The following NEB variants were observed in gnomAD, a reference collection of about 807,000 sequenced individuals.
NEB encodes the protein nemaline myopathy type 2.
NEB carries 512 observed loss-of-function variants against 952.2 expected under a neutral mutation model. The observed-to-expected ratio is 0.54, with a 90% CI of 0.50 to 0.58. The LOEUF (loss-of-function observed/expected upper bound fraction) is 0.58. NEB is among the 20% of genes least tolerant of loss of function. The probability of loss-of-function intolerance (pLI) is 0.00; values close to 1 mark genes in which losing one functional copy is unlikely to be tolerated. For missense variants in NEB, 8,428 were observed against 9,231.1 expected, an observed-to-expected ratio of 0.91 and a Z score of 3.56; for synonymous variants, 2,900 against 3,149.8, an observed-to-expected ratio of 0.92 and a Z score of 2.66.
At chr2:151,514,703 C>T (rs1206046508) in intron 158 of NEB, 115 bp downstream of exon 158, 3 of 772,436 alleles carry the variant, frequency 3.9e-6, no homozygotes, top group Non-Finnish European at 4.1e-6. Context: ...CATGAGAACC[C>T]AATTTGAAAC....
At chr2:151,565,934 CTCAT>C (rs2096357581) in intron 114 of NEB, 114 bp from the exon 115 acceptor site, 2 of 660,228 alleles carry the variant, frequency 3.0e-6, no homozygotes, top group Non-Finnish European at 5.2e-6. Context: ...TAGTAGTTTT[CTCAT>C]TCATTCAATT....
At position 151,672,446 on chromosome 2, in the gene NEB, G is replaced by T. The variant is rs779847291; in HGVS notation, c.4222C>A (p.Pro1408Thr). The change falls in exon 37 of 182, where the codon CCA becomes ACA. Residue 1408 changes from proline (P) to threonine (T), a missense_variant. Coordinates refer to ENST00000397345, the MANE Select transcript of NEB (RefSeq NM_001164508.2). ...GGTAGGTATGTGTAATGATGCAATG[G>T]CTGTTTGTAGTTGACATTGGTAGCG... Reference protein sequence around the residue: ...DVATNVNYKQPLHHYTYLPDA... With the variant: ...DVATNVNYKQTLHHYTYLPDA... 6.2e-7 allele frequency: 1 copy of T among 1,613,966 alleles called. No homozygotes were observed. Among genetic ancestry groups the T allele is most frequent in the Non-Finnish European group, 8.5e-7 (1 of 1,179,856 alleles).
chr2:151,570,974 T>C (rs1052387706), intron 107 of NEB, among the ~76,000 whole-genome samples: 3 of 152,170 alleles, frequency 2.0e-5, no homozygotes, highest in Non-Finnish European at 4.4e-5. Context: ...CAAGCATTTA[T>C]CATGTCTGTG....
chr2:151,698,831 G>C (rs922784297), intron 13 of NEB, among the ~76,000 whole-genome samples: 97 of 151,162 alleles, frequency 6.4e-4, no homozygotes, highest in Non-Finnish European at 1.0e-3. Context: ...GTAGAGACAG[G>C]GTTTCACTGT....
At chr2:151,711,445 C>T (rs957134903) in intron 10 of NEB, among the ~76,000 whole-genome samples, 4 of 152,184 alleles carry the variant, frequency 2.6e-5, no homozygotes, top group African/African-American at 7.2e-5. Flanking sequence ...AAGAAAATGT[C>T]TTTCTGGTAT....
Position 151,620,975 on chromosome 2 carries a change from T to G in NEB, c.10504A>C (p.Arg3502=), listed in dbSNP as rs1288766403. Residue 3502 remains arginine (R), a synonymous_variant, in exon 72 of 182, where the codon AGA becomes CGA. Transcript: ENST00000397345. ...GCCACAATGGGAATGGCATCACTTC[T>G]CAAGTCATAGCCTTCTTTCTTGGCT... The part of the protein sequence containing the change: ...EEAKKEGYDL[R]SDAIPIVAAK... 7 of 1,612,924 alleles carry G rather than the reference T, an allele frequency of 4.3e-6. No homozygotes were observed. The highest frequency in any genetic ancestry group is 5.1e-6 in the Non-Finnish European group (6 of 1,179,540).
intron 166 of NEB, 50 bp from the exon 167 acceptor site, chr2:151,502,935 A>T: frequency 8.7e-7 from 1 of 1,150,630 alleles, no homozygotes; most frequent in Non-Finnish European, 1.3e-6. Flanking sequence ...AGGCACAGAG[A>T]GTAAGGAAGG....
Position 151,531,072 on chromosome 2 carries a change from G to A in NEB, c.21552C>T (p.Ala7184=), listed in dbSNP as rs1162541761. 6.2e-7 allele frequency: 1 copy of A among 1,612,868 alleles called. No individual in the cohort carries two copies. Among genetic ancestry groups the A allele is most frequent in the African/African-American group, 1.3e-5 (1 of 74,876 alleles). The change falls in exon 145 of 182, where the codon GCC becomes GCT. Residue 7184 remains alanine (A), a synonymous_variant. Coordinates refer to ENST00000397345, the MANE Select transcript of NEB (RefSeq NM_001164508.2). ...DILYKLEYNK[A]KPRGYTTIHD... Reference sequence around the variant, plus strand: ...GGATTGTGGTGTAGCCTCTGGGTTTGGCCTTGTTGTATTCCAATTTATAAA... The same window carrying A: ...GGATTGTGGTGTAGCCTCTGGGTTTAGCCTTGTTGTATTCCAATTTATAAA...
chr2:151,617,237 A>G, intron 75 of NEB, 127 bp downstream of exon 75: 1 of 578,964 alleles, frequency 1.7e-6, no homozygotes, highest in Non-Finnish European at 2.9e-6. Context: ...AGTGAGAACT[A>G]TCTCTTCTAC....
In NEB at chr2:151,665,360, G is replaced by T; in HGVS notation, c.5211C>A (p.Asn1737Lys). 6.2e-7 allele frequency: 1 copy of T among 1,613,688 alleles called. No individual in the cohort carries two copies. ...YAMDTMEQALNKSNKLNMDKR... is the reference protein window; with the variant it reads ...YAMDTMEQALKKSNKLNMDKR... ...TGTCCATGTTCAGTTTGTTACTCTT[G>T]TTAAGTGCCTGTTCCATTGTGTCCA... The change falls in exon 42 of 182, where the codon AAC becomes AAA. Residue 1737 changes from asparagine to lysine, a missense_variant. Coordinates refer to ENST00000397345, the MANE Select transcript of NEB (RefSeq NM_001164508.2).
At chr2:151,724,418 G>T (rs1207262612) in intron 7 of NEB, 54 bp from the exon 8 acceptor site, 15 of 1,354,902 alleles carry the variant, frequency 1.1e-5, no homozygotes, top group South Asian at 2.5e-5. Flanking sequence ...AAAGGCATGA[G>T]GATTTAAACA....
chr2:151,609,815 C>G lies in NEB; in HGVS notation c.12324G>C (p.Gln4108His). 1 of 1,581,672 alleles carries G rather than the reference C, an allele frequency of 6.3e-7. No homozygotes were observed. Among genetic ancestry groups the G allele is most frequent in the South Asian group, 1.2e-5 (1 of 84,556 alleles). The change falls in exon 81 of 182, where the codon CAG becomes CAC. Residue 4108 changes from glutamine to histidine, a missense_variant. Physicochemically the swap from Gln to His is conservative, Grantham distance 24. Transcript: ENST00000397345. Reference protein sequence around the residue: ...IIQAKKAYDLQSDSVYKADLE... With the variant: ...IIQAKKAYDLHSDSVYKADLE... ...CAAAATTCATGTTACGTACATCACT[C>G]TGCAGGTCATAGGCCTTTTTTGCTT...
chr2:151,577,541 T>C (rs2096918346), intron 105 of NEB, among the ~76,000 whole-genome samples: 1 of 152,224 alleles, frequency 6.6e-6, no homozygotes, highest in Non-Finnish European at 1.5e-5. Context: ...CATCTAGGTC[T>C]CGGTTATCAA....
chr2:151,614,677 TC>T, intron 76 of NEB, 90 bp from the exon 77 acceptor site: 1 of 1,384,802 alleles, frequency 7.2e-7, no homozygotes, highest in South Asian at 1.4e-5. Context: ...CTTTTTCTTT[TC>T]CCCAACACTA....
Position 151,554,921 on chromosome 2 carries a change from C to T in NEB, c.19428+10G>A, listed in dbSNP as rs2095550839. On this transcript the variant is annotated intron_variant, in intron 125 of 181. Transcript: ENST00000397345. Reference sequence around the variant, plus strand: ...ATCCTAGTCATTAAGGGGCGCATGACCGTACTTACATCGATGTTAAGCTTG... The same window carrying T: ...ATCCTAGTCATTAAGGGGCGCATGATCGTACTTACATCGATGTTAAGCTTG... The T allele has an allele frequency of 6.3e-7, 1 of 1,583,540 alleles. No individual in the cohort carries two copies. Among genetic ancestry groups the T allele is most frequent in the Admixed American group, 1.7e-5 (1 of 59,944 alleles).
chr2:151,690,824 T>C lies in NEB; in HGVS notation c.2213A>G (p.His738Arg). 2 of 1,566,396 alleles carry C rather than the reference T, an allele frequency of 1.3e-6. No individual in the cohort carries two copies. The highest frequency in any genetic ancestry group is 1.3e-5 in the African/African-American group (1 of 74,122). Residue 738 changes from histidine to arginine, a missense_variant and splice_region_variant, in exon 24 of 182, where the codon CAT becomes CGT. Coordinates refer to ENST00000397345, the MANE Select transcript of NEB (RefSeq NM_001164508.2). Reference sequence around the variant, plus strand: ...CTTATCTGGATGAACTTTGTAGGTATGCTAGAAAAGAAGATGTTCTTTAAT... The same window carrying C: ...CTTATCTGGATGAACTTTGTAGGTACGCTAGAAAAGAAGATGTTCTTTAAT... ...AIKKLDQCKDHTYKVHPDKTK... is the reference protein window; with the variant it reads ...AIKKLDQCKDRTYKVHPDKTK...
intron 125 of NEB, among the ~76,000 whole-genome samples, chr2:151,554,559 A>AAAAAG (rs2095524417): frequency 6.6e-6 from 1 of 152,180 alleles, no homozygotes. Flanking sequence ...GACCTGTCTT[A>AAAAAG]AAAAGAAAAG....
intron 107 of NEB, 44 bp downstream of exon 107, chr2:151,575,651 T>G: frequency 7.4e-7 from 1 of 1,345,140 alleles, no homozygotes; most frequent in Non-Finnish European, 1.1e-6. Context: ...TAGCCCTGAC[T>G]GGGTAACTTT....
chr2:151,534,180 C>T (rs1231314948), intron 142 of NEB: 1 of 1,509,582 alleles, frequency 6.6e-7, no homozygotes, highest in Non-Finnish European at 9.2e-7. Flanking sequence ...GGAGCACAGT[C>T]CTGCCTGGGC....
Sources: gnomAD v4.1 joint callset for allele counts (sites outside exome capture counted in the v4.1 genomes callset) on GRCh38, gnomAD v4.1.1 for gene constraint, MANE v1.5 for transcripts, NCBI Gene and HGNC (gene_info 2026-07-23, HGNC 2026-07-21) for gene names.